Variants in TOGARAM2 observed in about 807,000 individuals in gnomAD.
TOGARAM2 encodes TOG array regulator of axonemal microtubules 2.
A neutral mutation model predicts 93.3 loss-of-function variants in TOGARAM2; 85 were observed. The ratio of observed to expected loss-of-function variants is 0.91; its 90% CI spans 0.76 to 1.09. The LOEUF is 1.09. TOGARAM2 is among the 50% of genes least tolerant of loss of function. TOGARAM2 has a pLI of 0.00. For synonymous variants in TOGARAM2, 593 were observed against 552.8 expected, an observed-to-expected ratio of 1.07 and a Z score of -1.02; for missense variants, 1,277 against 1,334.5, an observed-to-expected ratio of 0.96 and a Z score of 0.67.
At position 29,003,515 on chromosome 2, in the gene TOGARAM2, G is replaced by A; in HGVS notation, c.663G>A (p.Leu221=). 6.4e-7 allele frequency: 1 copy of A among 1,571,394 alleles called. No individual in the cohort carries two copies. Among genetic ancestry groups the A allele is most frequent in the Non-Finnish European group, 8.6e-7 (1 of 1,159,560 alleles). Residue 221 remains leucine, a synonymous_variant, in exon 6 of 20, where the codon CTG becomes CTA. Transcript: ENST00000379558. The stretch of plus-strand genomic sequence containing the variant: ...AGGCGCAGATCTCCTGGCAATACCT[G>A]CACTGCAATGATGAGAAGATGCAGA... ...AQEAQISWQY[L]HCNDEKMQKS... is the part of the protein sequence containing the mutation.
chr2:28,980,145 G>A (rs574829795), upstream of TOGARAM2, among the ~76,000 whole-genome samples: 7 of 152,304 alleles, frequency 4.6e-5, no homozygotes, highest in East Asian at 3.9e-4. Flanking sequence ...CAGGAGTTCC[G>A]TTCGCCTTGT....
chr2:28,999,828 C>T (rs1193036585), intron 4 of TOGARAM2, among the ~76,000 whole-genome samples: 1 of 152,242 alleles, frequency 6.6e-6, no homozygotes, highest in African/African-American at 2.4e-5. Context: ...TTCCCTTATG[C>T]ACAAGACCTT....
chr2:28,986,402 G>T (rs1183590745), intron 1 of TOGARAM2, among the ~76,000 whole-genome samples: 1 of 152,146 alleles, frequency 6.6e-6, no homozygotes, highest in Non-Finnish European at 1.5e-5. Flanking sequence ...TATTACAAAT[G>T]GATGGCCACA....
chr2:29,023,288 A>G, intron 12 of TOGARAM2, 97 bp downstream of exon 12: 5 of 978,686 alleles, frequency 5.1e-6, no homozygotes, highest in Non-Finnish European at 7.7e-6. Context: ...CTTCAGGGAC[A>G]TGGGGATCCC....
At chr2:29,022,337 G>T in intron 11 of TOGARAM2, 29 bp downstream of exon 11, 1 of 1,611,768 alleles carries the variant, frequency 6.2e-7, no homozygotes, top group East Asian at 2.2e-5. Context: ...CACGTGCTGT[G>T]TTCTGGCCGG....
intron 10 of TOGARAM2, among the ~76,000 whole-genome samples, chr2:29,019,705 GA>G (rs897017477): frequency 6.6e-6 from 1 of 152,046 alleles, no homozygotes; most frequent in African/African-American, 2.4e-5. Context: ...TTGGAGTTAG[GA>G]AAAAAAGCCA....
intron 1 of TOGARAM2, among the ~76,000 whole-genome samples, chr2:28,971,375 C>T (rs1029994526): frequency 2.2e-4 from 34 of 152,062 alleles, no homozygotes; most frequent in Non-Finnish European, 1.6e-4. Flanking sequence ...TCATGCCTGA[C>T]TAATTTTTAG....
upstream of TOGARAM2, among the ~76,000 whole-genome samples, chr2:28,978,334 C>A (rs1558396218): frequency 6.7e-6 from 1 of 150,152 alleles, no homozygotes; most frequent in Non-Finnish European, 1.5e-5. Flanking sequence ...GGGGAGAAGA[C>A]CCCTCAGTGA....
In TOGARAM2 at chr2:28,998,160, G is replaced by A. The variant is rs369645958; in HGVS notation, c.46G>A (p.Val16Met). The A allele has an allele frequency of 6.3e-5, 102 of 1,608,700 alleles. No homozygotes were observed. In the East Asian group the frequency reaches 1.2e-3, roughly 19 times the overall value. The change falls in exon 3 of 20, where the codon GTG becomes ATG. Residue 16 changes from valine (V) to methionine (M), a missense_variant. By Grantham distance (21) the Val-to-Met change is conservative (BLOSUM62 1). Coordinates refer to ENST00000379558, the MANE Select transcript of TOGARAM2 (RefSeq NM_199280.4). ...GTCTCCAGCCAAGGTCCTGGTCCCC[G>A]TGGCCGTGTACTGCGGGAGCATCCC... ...DVPEAKVLVPVAVYCGSIPRT... is the reference protein window; with the variant it reads ...DVPEAKVLVPMAVYCGSIPRT...
chr2:28,969,175 A>G (rs1671910832), intron 1 of TOGARAM2, among the ~76,000 whole-genome samples: 1 of 152,242 alleles, frequency 6.6e-6, no homozygotes, highest in African/African-American at 2.4e-5. Flanking sequence ...GGAGGATTCT[A>G]GCTGGGCGTC....
intron 5 of TOGARAM2, among the ~76,000 whole-genome samples, chr2:29,003,092 G>A (rs1673403262): frequency 6.6e-6 from 1 of 152,194 alleles, no homozygotes; most frequent in African/African-American, 2.4e-5. Context: ...TTAAGCAAGA[G>A]TGTGGCAAAG....
chr2:29,005,412 C>CGT (rs149236438), intron 6 of TOGARAM2, among the ~76,000 whole-genome samples: 9,274 of 140,720 alleles, frequency 0.066, 880 homozygotes, highest in African/African-American at 0.19. Flanking sequence ...TGTGTGTGTG[C>CGT]GTGTGTGAGA....
At chr2:28,998,114 G>T (rs1311902095) in intron 2 of TOGARAM2, 29 bp from the exon 3 acceptor site, 2 of 1,510,856 alleles carry the variant, frequency 1.3e-6, no homozygotes, top group Non-Finnish European at 1.8e-6. Flanking sequence ...GGACTCTCAG[G>T]TGCTGCTCTC....
chr2:28,974,635 A>T (rs1289572973), intron 1 of TOGARAM2, among the ~76,000 whole-genome samples: 1 of 148,494 alleles, frequency 6.7e-6, no homozygotes, highest in African/African-American at 2.5e-5. Context: ...ATTTTTTGAG[A>T]CAGGGTCTTG....
chr2:29,021,805 G>A (rs1480956820), intron 10 of TOGARAM2, among the ~76,000 whole-genome samples: 1 of 151,746 alleles, frequency 6.6e-6, no homozygotes, highest in Non-Finnish European at 1.5e-5. Context: ...GGCTCAGGGG[G>A]CCCCACCCCA....
chr2:29,032,044 A>G (rs779140161), intron 14 of TOGARAM2, among the ~76,000 whole-genome samples: 7 of 152,078 alleles, frequency 4.6e-5, no homozygotes, highest in Non-Finnish European at 1.0e-4. Flanking sequence ...TTTTTCCTGG[A>G]CTATTATGGT....
In TOGARAM2 at chr2:28,956,981, C is replaced by A. The variant is rs1435111502; in HGVS notation, c.-147+284C>A. Reference sequence around the variant, plus strand: ...CTCTACTAAAAGTACAAAAATTGGCCGGGAATGGTGGAGGGCATCTGTAAT... The same window carrying A: ...CTCTACTAAAAGTACAAAAATTGGCAGGGAATGGTGGAGGGCATCTGTAAT... On this transcript the variant is annotated intron_variant, in intron 1 of 6. Transcript: ENST00000401723. This position sits in a 1 kb window ranked among gnomAD's most constrained non-coding sequence, Gnocchi z 4.5. 1.3e-5 allele frequency among the ~76,000 whole-genome samples: 2 copies of A among 151,860 alleles called. No homozygotes were observed. The highest frequency in any genetic ancestry group is 4.2e-4 in the South Asian group (2 of 4,802).
chr2:29,038,775 T>C (rs1007157941), intron 18 of TOGARAM2, among the ~76,000 whole-genome samples: 1 of 152,218 alleles, frequency 6.6e-6, no homozygotes, highest in Non-Finnish European at 1.5e-5. Flanking sequence ...AGGTAATTTT[T>C]GAGCAGGTGA....
intron 1 of TOGARAM2, among the ~76,000 whole-genome samples, chr2:28,983,198 A>ATATTTT (rs1196223294): frequency 1.8e-5 from 1 of 56,622 alleles, no homozygotes; most frequent in African/African-American, 8.3e-5. Context: ...ATATATATAT[A>ATATTTT]TTTTTTTTTT....
Sources: allele counts gnomAD v4.1 joint callset (sites outside exome capture counted in the v4.1 genomes callset), GRCh38; gene constraint gnomAD v4.1.1; non-coding constraint Gnocchi (gnomAD v3.1); transcripts MANE v1.5; gene names NCBI Gene and HGNC (gene_info 2026-07-23, HGNC 2026-07-21).